CYP4B1: variants seen among roughly 807,000 people sequenced by gnomAD.
CYP4B1 encodes the protein cytochrome P450 4B1.
A neutral mutation model predicts 54.0 loss-of-function variants in CYP4B1; 45 were observed. That is an observed-to-expected ratio of 0.83 (90% CI 0.66 to 1.07). CYP4B1 has a LOEUF of 1.07. Among genes scored for constraint, CYP4B1 ranks in the 50% least tolerant of loss-of-function variants. The pLI is 0.00. For missense variants in CYP4B1, 656 were observed against 655.4 expected (o/e 1.00, Z -0.01); for synonymous variants, 248 against 247.5 (o/e 1.00, Z -0.02).
intron 1 of CYP4B1, among the ~76,000 whole-genome samples, chr1:46,809,729 G>A (rs1435464225): frequency 6.6e-6 from 1 of 152,220 alleles, no homozygotes; most frequent in Middle Eastern, 3.2e-3. Context: ...GGAGTGTTAA[G>A]TGTATCTTTG....
intron 4 of CYP4B1, 109 bp from the exon 5 acceptor site, chr1:46,813,373 G>A (rs539998080): frequency 7.5e-7 from 1 of 1,331,846 alleles, no homozygotes; most frequent in Non-Finnish European, 1.1e-6. Context: ...TGTGAAGGGG[G>A]CTTGGTGGTG....
At chr1:46,813,828 C>A in intron 5 of CYP4B1, 81 bp from the exon 6 acceptor site, 1 of 1,547,850 alleles carries the variant, frequency 6.5e-7, no homozygotes, top group Non-Finnish European at 8.8e-7. Flanking sequence ...GTGGTTGGGG[C>A]TAGATTCCTG....
intron 3 of CYP4B1, chr1:46,812,055 T>G (rs1569892354): frequency 2.4e-6 from 1 of 415,578 alleles, no homozygotes; most frequent in Non-Finnish European, 4.8e-6. Flanking sequence ...GTAGGAAGGG[T>G]CCCACCTGAG....
At chr1:46,801,587 C>T (rs1678664802) in intron 1 of CYP4B1, among the ~76,000 whole-genome samples, 1 of 152,178 alleles carries the variant, frequency 6.6e-6, no homozygotes, top group African/African-American at 2.4e-5. Flanking sequence ...GTGGGAGCTA[C>T]AAAGGTTTCC....
At chr1:46,811,282 T>C in intron 3 of CYP4B1, 98 bp downstream of exon 3, 1 of 1,302,814 alleles carries the variant, frequency 7.7e-7, no homozygotes. Context: ...TTATCCCAGA[T>C]GGCCTAGTTC....
Position 46,814,126 on chromosome 1 carries a change from G to C in CYP4B1, c.775+63G>C. The C allele has an allele frequency of 1.9e-6, 3 of 1,609,424 alleles. No homozygotes were observed. The South Asian group carries it at 3.3e-5, about 18-fold the overall frequency. On this transcript the variant is annotated intron_variant, in intron 6 of 11. Transcript: ENST00000371923. The stretch of plus-strand genomic sequence containing the variant: ...GGGTTCCTCCTCCTGGCCCCTCTAT[G>C]CCCCCTCCCATTATAGGACCCCAGT...
At chr1:46,812,355 G>A in intron 3 of CYP4B1, 141 bp from the exon 4 acceptor site, 2 of 910,886 alleles carry the variant, frequency 2.2e-6, no homozygotes, top group Non-Finnish European at 3.5e-6. Context: ...TAGGGTGAGG[G>A]CATGGAGGGC....
intron 1 of CYP4B1, among the ~76,000 whole-genome samples, chr1:46,800,980 GTCC>G (rs1678635393): frequency 6.6e-6 from 1 of 152,188 alleles, no homozygotes; most frequent in Non-Finnish European, 1.5e-5. Flanking sequence ...CTCAGCACCT[GTCC>G]TGTTGGATTG....
At chr1:46,806,561 A>G (rs1429218403) in intron 1 of CYP4B1, among the ~76,000 whole-genome samples, 1 of 152,178 alleles carries the variant, frequency 6.6e-6, no homozygotes, top group African/African-American at 2.4e-5. Flanking sequence ...CCACCTTTAA[A>G]GAGAGGTCAG....
In CYP4B1 at chr1:46,814,253, G is replaced by A; in HGVS notation, c.820G>A (p.Val274Met). The change falls in exon 7 of 12, where the codon GTG becomes ATG. Residue 274 changes from valine (V) to methionine (M), a missense_variant. Val to Met is a conservative substitution (Grantham distance 21). Transcript: ENST00000371923. ...GAAGGCAGCCCTGCAGGATGAGAAG[G>A]TGCGGAAGAAGATCCAGAACCGGAG... ...ERKAALQDEKVRKKIQNRRHL... is the reference protein window; with the variant it reads ...ERKAALQDEKMRKKIQNRRHL... The A allele has an allele frequency of 6.2e-7, 1 of 1,614,182 alleles. No individual in the cohort carries two copies. Among genetic ancestry groups the A allele is most frequent in the South Asian group, 1.1e-5 (1 of 91,092 alleles).
At position 46,815,094 on chromosome 1, in the gene CYP4B1, G is replaced by C. The variant is rs755703651; in HGVS notation, c.903G>C (p.Leu301=). 1 of 1,614,034 alleles carries C rather than the reference G, an allele frequency of 6.2e-7. No individual in the cohort carries two copies. The highest frequency in any genetic ancestry group is 1.3e-5 in the African/African-American group (1 of 74,910). Residue 301 remains leucine, a synonymous_variant, in exon 8 of 12, where the codon CTG becomes CTC. Coordinates refer to ENST00000371923, the MANE Select transcript of CYP4B1 (RefSeq NM_001099772.2). ...LGARDEDDIK[L]SDADLRAEVD... Reference sequence around the variant, plus strand: ...CCCAGGATGAAGATGACATCAAACTGTCAGATGCAGACCTCCGGGCTGAAG... The same window carrying C: ...CCCAGGATGAAGATGACATCAAACTCTCAGATGCAGACCTCCGGGCTGAAG...
intron 5 of CYP4B1, 114 bp downstream of exon 5, chr1:46,813,720 CCT>C: frequency 1.3e-6 from 2 of 1,504,660 alleles, no homozygotes; most frequent in Non-Finnish European, 1.8e-6. Context: ...CCCCAGGGAG[CCT>C]TAGCTTGCGG....
Position 46,818,866 on chromosome 1 carries a change from C to T in CYP4B1, c.*52C>T, listed in dbSNP as rs2148414413. ...GCTCAGGCTGTGACCTCCCTGGGCA[C>T]CACCCTCCCCAGGCTGGGTGTGGAG... is the stretch of plus-strand genomic sequence containing the variant. On this transcript the variant is annotated 3_prime_UTR_variant, in exon 12 of 12. Transcript: ENST00000371923. 6.4e-7 allele frequency: 1 copy of T among 1,574,738 alleles called. No homozygotes were observed. Among genetic ancestry groups the T allele is most frequent in the South Asian group, 1.1e-5 (1 of 88,608 alleles).
At chr1:46,804,771 G>C (rs1365821717) in intron 1 of CYP4B1, among the ~76,000 whole-genome samples, 1 of 152,112 alleles carries the variant, frequency 6.6e-6, no homozygotes, top group Non-Finnish European at 1.5e-5. Context: ...GGTAGAGAGG[G>C]CAGTTGAAAT....
chr1:46,802,922 C>A (rs668770), intron 1 of CYP4B1, among the ~76,000 whole-genome samples: 117,352 of 152,122 alleles, frequency 0.77, 45,531 homozygotes, highest in Admixed American at 0.82. Context: ...AGAAGGTGCT[C>A]TCTGTGCAAA....
chr1:46,813,872 G>C (rs1193274766), intron 5 of CYP4B1, 37 bp from the exon 6 acceptor site: 1 of 1,606,992 alleles, frequency 6.2e-7, no homozygotes, highest in East Asian at 2.2e-5. Context: ...TCCTGGGCCA[G>C]TGTCTAAGCC....
intron 1 of CYP4B1, among the ~76,000 whole-genome samples, chr1:46,810,041 T>C (rs1365867707): frequency 6.6e-6 from 1 of 152,216 alleles, no homozygotes; most frequent in African/African-American, 2.4e-5. Context: ...GGGCAGCTCC[T>C]GGAAGACACC....
chr1:46,809,631 C>CAAGTGCTTA (rs1553131660), intron 1 of CYP4B1, among the ~76,000 whole-genome samples: 1 of 152,206 alleles, frequency 6.6e-6, no homozygotes, highest in Non-Finnish European at 1.5e-5. Flanking sequence ...TAGCACACAG[C>CAAGTGCTTA]AAGTGCTTAA....
intron 4 of CYP4B1, among the ~76,000 whole-genome samples, chr1:46,813,032 T>C (rs796255904): frequency 1.8e-4 from 27 of 152,332 alleles, no homozygotes; most frequent in African/African-American, 6.5e-4. Flanking sequence ...CCCAGAATTA[T>C]GTCAATACAA....
Sources: gnomAD v4.1 joint callset for allele counts (sites outside exome capture counted in the v4.1 genomes callset) on GRCh38, gnomAD v4.1.1 for gene constraint, MANE v1.5 for transcripts, NCBI Gene and HGNC (gene_info 2026-07-23, HGNC 2026-07-21) for gene names.